CUX1: variants seen among roughly 807,000 people sequenced by gnomAD.
CUX1 encodes cut like homeobox 1, also known as protein CASP.
Under a neutral mutation model 158.8 loss-of-function variants are expected in CUX1, and 31 were observed. The observed-to-expected ratio is 0.20, with a 90% CI of 0.15 to 0.26. The LOEUF is 0.26. CUX1 is among the 10% of genes least tolerant of loss of function. The pLI, the probability that CUX1 is intolerant of heterozygous loss-of-function variation, is 1.00. For missense variants in CUX1, 1,589 were observed against 2,014.6 expected (o/e 0.79, Z 4.04); for synonymous variants, 879 against 862.1 (o/e 1.02, Z -0.34).
chr7:101,972,026 G>T (rs1436349727), intron 2 of CUX1, among the ~76,000 whole-genome samples: 2 of 152,140 alleles, frequency 1.3e-5, no homozygotes, highest in African/African-American at 4.8e-5. Context: ...GACTGCAGTG[G>T]CGCTATCTTG....
At position 102,070,425 on chromosome 7, in the gene CUX1, C is replaced by G; in HGVS notation, c.268+8C>G. 6.2e-7 allele frequency: 1 copy of G among 1,605,626 alleles called. No individual in the cohort carries two copies. Among genetic ancestry groups the G allele is most frequent in the Non-Finnish European group, 8.5e-7 (1 of 1,177,222 alleles). On this transcript the variant is annotated splice_region_variant and intron_variant, in intron 4 of 23. Coordinates refer to ENST00000292535, the MANE Select transcript of CUX1 (RefSeq NM_181552.4). Reference sequence around the variant, plus strand: ...GATTGATTGACGTCCCAGGTAAGCCCCGGCAGTAATGGCCCACCAGTGGGG... The same window carrying G: ...GATTGATTGACGTCCCAGGTAAGCCGCGGCAGTAATGGCCCACCAGTGGGG...
chr7:102,196,896 G>A lies in CUX1; in HGVS notation c.1485G>A (p.Lys495=), dbSNP rs781860077. ...QRQLMQSFYS[K]AMQEAGSTSM... ...AGCTAATGCAGTCCTTCTACTCCAAGGCTATGCAGGAAGCCGGAAGCACAA... is the reference window on the plus strand; with the variant it reads ...AGCTAATGCAGTCCTTCTACTCCAAAGCTATGCAGGAAGCCGGAAGCACAA... Residue 495 remains lysine (K), a synonymous_variant, in exon 15 of 24, where the codon AAG becomes AAA. Coordinates refer to ENST00000292535, the MANE Select transcript of CUX1 (RefSeq NM_181552.4). 65 of 1,614,028 alleles carry A rather than the reference G, an allele frequency of 4.0e-5. No homozygotes were observed. Among genetic ancestry groups the A allele is most frequent in the African/African-American group, 5.3e-5 (4 of 74,912 alleles).
rs1033344033 is a variant in CUX1 at position 102,252,452 on chromosome 7, G to C, written c.*3410G>C. The C allele has an allele frequency of 1.3e-5, 13 of 985,270 alleles. 1 individual carries two copies. In the South Asian group the frequency reaches 6.1e-4, roughly 46 times the overall value. 61.0% of individuals were successfully genotyped at this position (985,270 alleles called of 1,614,324 possible). Reference sequence around the variant, plus strand: ...TTTGTACCTCTCCCCTGGGGGAAACGGTTCCATATAAAACACTAACACTTA... The same window carrying C: ...TTTGTACCTCTCCCCTGGGGGAAACCGTTCCATATAAAACACTAACACTTA... On this transcript the variant is annotated 3_prime_UTR_variant, in exon 24 of 24. Transcript: ENST00000292535.
rs1801671888 is a variant in CUX1 at position 102,252,960 on chromosome 7, A to G, written c.*3918A>G. 2 of 985,192 alleles carry G rather than the reference A, an allele frequency of 2.0e-6. No homozygotes were observed. The highest frequency in any genetic ancestry group is 3.5e-5 in the African/African-American group (2 of 57,182). The allele number at this position is 985,192 out of a possible 1,614,324, so 61.0% of individuals were successfully genotyped here. Reference sequence around the variant, plus strand: ...AGCCCAGGGATGCATGCATGGGAGAACTCTCTGAGAAATGCCAGGATCGTG... The same window carrying G: ...AGCCCAGGGATGCATGCATGGGAGAGCTCTCTGAGAAATGCCAGGATCGTG... On this transcript the variant is annotated 3_prime_UTR_variant, in exon 24 of 24. Coordinates refer to ENST00000292535, the MANE Select transcript of CUX1 (RefSeq NM_181552.4).
intron 2 of CUX1, among the ~76,000 whole-genome samples, chr7:101,965,545 A>G (rs77481715): frequency 0.023 from 3,492 of 152,192 alleles, 73 homozygotes; most frequent in Non-Finnish European, 0.03. Flanking sequence ...CTTTGTTGCC[A>G]GCGTTAAAAA....
chr7:102,151,790 G>A (rs540996265), intron 8 of CUX1, among the ~76,000 whole-genome samples: 198 of 126,898 alleles, frequency 1.6e-3, no homozygotes, highest in Admixed American at 3.4e-3. Flanking sequence ...AGCAAGACCC[G>A]CCTCCTTGGT....
At chr7:101,852,956 G>C (rs1164399626) in intron 1 of CUX1, among the ~76,000 whole-genome samples, 1 of 152,064 alleles carries the variant, frequency 6.6e-6, no homozygotes, top group Non-Finnish European at 1.5e-5. Flanking sequence ...GGGATTACAG[G>C]CATGAGCCAC....
chr7:101,877,913 C>T (rs747741731), intron 1 of CUX1, among the ~76,000 whole-genome samples: 75 of 152,064 alleles, frequency 4.9e-4, no homozygotes, highest in Non-Finnish European at 7.5e-4. Flanking sequence ...GTGCGTACAC[C>T]GTTTGACACA....
At chr7:102,175,263 C>T (rs1233405662) in intron 10 of CUX1, among the ~76,000 whole-genome samples, 1 of 152,206 alleles carries the variant, frequency 6.6e-6, no homozygotes, top group Non-Finnish European at 1.5e-5. Flanking sequence ...GCACCTGTCC[C>T]AGATACATTC....
chr7:102,017,491 G>T (rs944707996), intron 2 of CUX1, among the ~76,000 whole-genome samples: 1 of 151,888 alleles, frequency 6.6e-6, no homozygotes, highest in African/African-American at 2.4e-5. Flanking sequence ...CTGAGGGCAG[G>T]GACTGTGACT....
At chr7:102,052,384 A>G (rs1156336274) in intron 3 of CUX1, among the ~76,000 whole-genome samples, 1 of 152,104 alleles carries the variant, frequency 6.6e-6, no homozygotes, top group Admixed American at 6.5e-5. Context: ...ATCAAATAAT[A>G]TATTAGTTTT....
chr7:102,265,199 T>TA lies in CUX1; in HGVS notation c.1256-8166dup, dbSNP rs571184452. 3.6e-4 allele frequency among the ~76,000 whole-genome samples: 55 copies of TA among 151,878 alleles called. 1 individual carries two copies. In the South Asian group the frequency reaches 0.011, roughly 32 times the overall value. On this transcript the variant is annotated intron_variant, in intron 14 of 22. Transcript: ENST00000292538. Reference sequence around the variant, plus strand: ...GAAGAAACCCTGTCTCTACTAAAAATACAAAAATTAGCCGGGCATGGTAGC... The same window carrying TA: ...GAAGAAACCCTGTCTCTACTAAAAATAACAAAAATTAGCCGGGCATGGTAGC...
At chr7:101,868,294 CG>C (rs1218185711) in intron 1 of CUX1, among the ~76,000 whole-genome samples, 1 of 152,198 alleles carries the variant, frequency 6.6e-6, no homozygotes, top group Admixed American at 6.5e-5. Context: ...AGTCCCTTTA[CG>C]GCACCTGTGT....
In CUX1 at chr7:102,117,459, G is replaced by T. The variant is rs187910607; in HGVS notation, c.674+2186G>T. 9.9e-4 allele frequency among the ~76,000 whole-genome samples: 147 copies of T among 148,376 alleles called. 1 individual carries two copies. The highest frequency in any genetic ancestry group is 3.0e-4 in the Non-Finnish European group (20 of 67,438). On this transcript the variant is annotated intron_variant, in intron 8 of 23. Transcript: ENST00000292535. ...CTATTTGCAGAGGTGCAGTTCCTAG[G>T]CTCATAGTACCGGCAGGGTTTCCAC...
chr7:102,184,317 T>A (rs1056132172), intron 11 of CUX1, among the ~76,000 whole-genome samples: 7 of 152,240 alleles, frequency 4.6e-5, no homozygotes, highest in African/African-American at 1.2e-4. Context: ...AATAGACAAT[T>A]CTTCTGGCAT....
intron 16 of CUX1, chr7:102,274,372 G>T (rs527870733): frequency 1.2e-5 from 17 of 1,438,192 alleles, no homozygotes; most frequent in African/African-American, 2.8e-5. Flanking sequence ...AGGTGATACC[G>T]CCTGAGAACA....
intron 1 of CUX1, among the ~76,000 whole-genome samples, chr7:101,840,930 A>G (rs1036739498): frequency 4.6e-5 from 7 of 151,510 alleles, no homozygotes; most frequent in South Asian, 2.1e-4. Context: ...GTCTTGCTCT[A>G]TCGCCCAGGC....
intron 2 of CUX1, among the ~76,000 whole-genome samples, chr7:101,952,510 C>T (rs551645385): frequency 1.3e-5 from 2 of 152,352 alleles, no homozygotes; most frequent in South Asian, 2.1e-4. Flanking sequence ...AACCCTGCTA[C>T]GGAACCCCGA....
chr7:102,105,176 TAC>T (rs3076512), intron 6 of CUX1, among the ~76,000 whole-genome samples: 26,894 of 144,132 alleles, frequency 0.19, 2,330 homozygotes, highest in Non-Finnish European at 0.19. Flanking sequence ...TATTTAATAT[TAC>T]ACACACACAC....
Sources: gnomAD v4.1 joint callset for allele counts (sites outside exome capture counted in the v4.1 genomes callset) on GRCh38, gnomAD v4.1.1 for gene constraint, MANE v1.5 for transcripts, NCBI Gene and HGNC (gene_info 2026-07-23, HGNC 2026-07-21) for gene names.